The following SV2C variants were observed in gnomAD, a reference collection of about 807,000 sequenced individuals.
SV2C encodes solute carrier family 22 member B3.
In SV2C, 49 loss-of-function variants were observed where a neutral mutation model predicts 79.7. The ratio of observed to expected loss-of-function variants is 0.61; its 90% CI spans 0.49 to 0.78. The LOEUF is 0.78. SV2C is among the 30% of genes least tolerant of loss of function. The pLI is 0.00. For synonymous variants in SV2C, 334 were observed against 333.2 expected, an observed-to-expected ratio of 1.00 and a Z score of -0.03; for missense variants, 833 against 912.9, an observed-to-expected ratio of 0.91 and a Z score of 1.13.
chr5:76,019,937 C>G, the SV2C span, among the ~76,000 whole-genome samples: 4 of 152,152 alleles, frequency 2.6e-5, no homozygotes, highest in African/African-American at 7.2e-5. Flanking sequence ...GATACTCACA[C>G]TTGGCATGTC....
chr5:75,952,483 C>A, the SV2C span, among the ~76,000 whole-genome samples: 1 of 151,740 alleles, frequency 6.6e-6, no homozygotes, highest in Non-Finnish European at 1.5e-5. Context: ...AAATGTAACC[C>A]CCAATGTTGG....
chr5:76,123,388 T>C (rs1330429820), intron 1 of SV2C, among the ~76,000 whole-genome samples: 2 of 152,226 alleles, frequency 1.3e-5, no homozygotes, highest in Non-Finnish European at 2.9e-5. Context: ...AAGGCCAGCA[T>C]CATCCTGATA....
intron 4 of SV2C, among the ~76,000 whole-genome samples, chr5:76,256,853 CA>C (rs1327836462): frequency 5.3e-5 from 8 of 152,144 alleles, no homozygotes; most frequent in East Asian, 1.9e-4. Context: ...CTCACAAGGC[CA>C]AAAAACTTGT....
At chr5:75,963,106 C>T in the SV2C span, among the ~76,000 whole-genome samples, 100 of 152,112 alleles carry the variant, frequency 6.6e-4, no homozygotes, top group South Asian at 1.7e-3. Flanking sequence ...AGGTGAGGCA[C>T]GGAATGGGAA....
chr5:76,280,593 G>A (rs1170551932), intron 4 of SV2C, among the ~76,000 whole-genome samples: 3 of 152,168 alleles, frequency 2.0e-5, no homozygotes, highest in Non-Finnish European at 2.9e-5. Flanking sequence ...GGAGCCCGGC[G>A]TCCTTGGAGA....
At chr5:75,971,731 G>A in the SV2C span, among the ~76,000 whole-genome samples, 4 of 152,062 alleles carry the variant, frequency 2.6e-5, no homozygotes, top group South Asian at 2.1e-4. Flanking sequence ...AATCAATATC[G>A]TGAAAATGGC....
At chr5:76,137,137 A>G (rs1334848019) in intron 2 of SV2C, among the ~76,000 whole-genome samples, 1 of 152,200 alleles carries the variant, frequency 6.6e-6, no homozygotes, top group Non-Finnish European at 1.5e-5. Flanking sequence ...ACCCAATTAG[A>G]TTGGGAGGAT....
At chr5:75,984,598 C>CTATCTACCTAT in the SV2C span, among the ~76,000 whole-genome samples, 17 of 82,424 alleles carry the variant, frequency 2.1e-4, no homozygotes, top group Non-Finnish European at 3.9e-4. Context: ...TATCTATCTA[C>CTATCTACCTAT]CTATCTATCT....
At chr5:76,007,079 C>T in the SV2C span, among the ~76,000 whole-genome samples, 1 of 152,068 alleles carries the variant, frequency 6.6e-6, no homozygotes, top group African/African-American at 2.4e-5. Flanking sequence ...TGGATAGTTT[C>T]CCCGAGGAGA....
the SV2C span, among the ~76,000 whole-genome samples, chr5:76,043,435 T>C: frequency 3.9e-5 from 6 of 152,196 alleles, no homozygotes; most frequent in Non-Finnish European, 8.8e-5. Context: ...TTGTCAAAAG[T>C]CACTCATAGC....
At chr5:76,003,951 G>A in the SV2C span, among the ~76,000 whole-genome samples, 4 of 151,968 alleles carry the variant, frequency 2.6e-5, no homozygotes, top group African/African-American at 9.7e-5. Flanking sequence ...AGAGGAGAAG[G>A]GAGGATTTGG....
chr5:76,281,397 T>TAAAA, intron 4 of SV2C: 1 of 181,894 alleles, frequency 5.5e-6, no homozygotes, highest in African/African-American at 3.0e-5. Context: ...TTATGCAAAG[T>TAAAA]AAAAAAAAAA....
intron 2 of SV2C, among the ~76,000 whole-genome samples, chr5:76,151,763 G>C (rs1158512462): frequency 6.6e-6 from 1 of 152,208 alleles, no homozygotes; most frequent in African/African-American, 2.4e-5. Context: ...CAAGAATTGA[G>C]TGTGTCTTCT....
chr5:76,178,328 T>G (rs760181264), intron 2 of SV2C, among the ~76,000 whole-genome samples: 7 of 152,240 alleles, frequency 4.6e-5, no homozygotes, highest in Non-Finnish European at 1.0e-4. Flanking sequence ...TGTTGTACAG[T>G]CACCAAACAT....
intron 10 of SV2C, 124 bp from the exon 11 acceptor site, chr5:76,300,605 T>C (rs1419232731): frequency 1.1e-6 from 1 of 951,850 alleles, no homozygotes. Context: ...CAAGCTAGCA[T>C]AGGCCTGAAA....
the SV2C span, among the ~76,000 whole-genome samples, chr5:75,869,572 T>TGGGA: frequency 6.6e-6 from 1 of 152,168 alleles, no homozygotes; most frequent in Non-Finnish European, 1.5e-5. Flanking sequence ...GCCCTGGCCC[T>TGGGA]GGGAGGACTC....
chr5:76,219,687 C>A (rs1420653474), intron 4 of SV2C, among the ~76,000 whole-genome samples: 2 of 152,212 alleles, frequency 1.3e-5, no homozygotes, highest in African/African-American at 4.8e-5. Flanking sequence ...ATCGTCCCCA[C>A]AGACCCAAAA....
the SV2C span, among the ~76,000 whole-genome samples, chr5:76,009,991 G>GTTTTTTTTTTTT: frequency 2.7e-5 from 3 of 112,640 alleles, no homozygotes; most frequent in Non-Finnish European, 5.1e-5. Context: ...TATCTATTTT[G>GTTTTTTTTTTTT]TTTTTTTTTT....
chr5:76,004,646 C>T, the SV2C span, among the ~76,000 whole-genome samples: 57,500 of 151,908 alleles, frequency 0.38, 11,699 homozygotes, highest in Middle Eastern at 0.5. Context: ...ATGCTGTTGG[C>T]CAAGAAAATG....
Sources: gnomAD v4.1 joint callset for allele counts (sites outside exome capture counted in the v4.1 genomes callset) on GRCh38, gnomAD v4.1.1 for gene constraint, MANE v1.5 for transcripts, NCBI Gene and HGNC (gene_info 2026-07-23, HGNC 2026-07-21) for gene names.